Variants in PARD3B observed in about 807,000 individuals in gnomAD.
PARD3B encodes par-3 family cell polarity regulator beta.
PARD3B carries 103 observed loss-of-function variants against 130.2 expected under a neutral mutation model. The ratio of observed to expected loss-of-function variants is 0.79; its 90% confidence interval spans 0.67 to 0.93. The LOEUF (loss-of-function observed/expected upper bound fraction) is 0.93. PARD3B is among the 40% of genes least tolerant of loss of function. The pLI is 0.00. For missense variants in PARD3B, 1,609 were observed against 1,499.2 expected, an observed-to-expected ratio of 1.07 and a Z score of -1.21; for synonymous variants, 583 against 553.2, an observed-to-expected ratio of 1.05 and a Z score of -0.76.
In PARD3B at chr2:204,601,431, T is replaced by C. The variant is rs543931340; in HGVS notation, c.120+55312T>C. Among the ~76,000 whole-genome samples the C allele has an allele frequency of 7.9e-5, 12 of 152,122 alleles. No homozygotes were observed. In the South Asian group the frequency reaches 2.5e-3, roughly 31 times the overall value. ...GATTGCTATATTGTTTTTTAATATATAAAAAGCTTAATTGTGAAACCTTAT... is the reference window on the plus strand; with the variant it reads ...GATTGCTATATTGTTTTTTAATATACAAAAAGCTTAATTGTGAAACCTTAT... On this transcript the variant is annotated intron_variant, in intron 1 of 22. Coordinates refer to ENST00000406610, the MANE Select transcript of PARD3B (RefSeq NM_001302769.2).
intron 4 of PARD3B, among the ~76,000 whole-genome samples, chr2:205,063,793 T>C (rs539207328): frequency 7.2e-5 from 11 of 152,250 alleles, no homozygotes; most frequent in African/African-American, 2.6e-4. Flanking sequence ...GATAAGGGAA[T>C]AGAACATATA....
intron 2 of PARD3B, among the ~76,000 whole-genome samples, chr2:204,908,922 G>A (rs1290607303): frequency 6.6e-6 from 1 of 152,042 alleles, no homozygotes; most frequent in African/African-American, 2.4e-5. Flanking sequence ...ATAACAAATA[G>A]CTTTCATGAG....
At chr2:204,757,153 A>G in intron 2 of PARD3B, among the ~76,000 whole-genome samples, 1 of 152,128 alleles carries the variant, frequency 6.6e-6, no homozygotes, top group Middle Eastern at 3.2e-3. Context: ...TTCTTTATCC[A>G]GTCCACCGTT....
chr2:205,052,502 A>G (rs1402290820), intron 4 of PARD3B, among the ~76,000 whole-genome samples: 1 of 148,082 alleles, frequency 6.8e-6, no homozygotes, highest in Non-Finnish European at 1.5e-5. Context: ...TTAGAAGTTC[A>G]TGGATAGATT....
intron 2 of PARD3B, among the ~76,000 whole-genome samples, chr2:204,812,740 A>G (rs541529076): frequency 3.3e-5 from 5 of 152,040 alleles, no homozygotes; most frequent in African/African-American, 1.2e-4. Flanking sequence ...CACTTGCCCA[A>G]CTCCTGAAAT....
intron 1 of PARD3B, among the ~76,000 whole-genome samples, chr2:204,557,638 G>A (rs572844332): frequency 3.9e-5 from 6 of 152,000 alleles, no homozygotes; most frequent in South Asian, 2.1e-4. Context: ...TCAACATGGC[G>A]TTTGTAAGTT....
At chr2:204,899,366 A>G (rs1271659426) in intron 2 of PARD3B, among the ~76,000 whole-genome samples, 1 of 149,284 alleles carries the variant, frequency 6.7e-6, no homozygotes, top group East Asian at 2.0e-4. Flanking sequence ...CTTGCTTTAT[A>G]TTGTTCGTGA....
intron 3 of PARD3B, among the ~76,000 whole-genome samples, chr2:204,982,599 T>G (rs1692770550): frequency 6.6e-6 from 1 of 152,242 alleles, no homozygotes; most frequent in Non-Finnish European, 1.5e-5. Context: ...GACTCATGTT[T>G]CACACCAGTA....
At position 205,280,655 on chromosome 2, in the gene PARD3B, A is replaced by G. The variant is rs2041153246; in HGVS notation, c.2186-19875A>G. On this transcript the variant is annotated intron_variant, in intron 16 of 22. Transcript: ENST00000406610. The surrounding 1 kb of genome is among the most constrained non-coding windows in gnomAD (Gnocchi z 4.7). ...CTTATTTGTACATTTATAGTAAAGT[A>G]ATCTACAAGTGGTTCCTTGATAAAG... Among the ~76,000 whole-genome samples, 1 of 152,238 alleles carries G rather than the reference A, an allele frequency of 6.6e-6. No individual in the cohort carries two copies. Among genetic ancestry groups the G allele is most frequent in the South Asian group, 2.1e-4 (1 of 4,836 alleles).
At chr2:205,569,197 C>T (rs924775502) in intron 22 of PARD3B, among the ~76,000 whole-genome samples, 2 of 151,096 alleles carry the variant, frequency 1.3e-5, no homozygotes, top group Non-Finnish European at 2.9e-5. Flanking sequence ...TTTGTTGTAG[C>T]TTATCTGTTT....
intron 2 of PARD3B, among the ~76,000 whole-genome samples, chr2:204,837,934 G>T (rs2125581717): frequency 6.6e-6 from 1 of 152,168 alleles, no homozygotes; most frequent in East Asian, 1.9e-4. Context: ...CCCCAGTTTG[G>T]TTCATTCAGC....
chr2:204,970,303 CAGGATA>C (rs1284705148), intron 3 of PARD3B, among the ~76,000 whole-genome samples: 1 of 152,154 alleles, frequency 6.6e-6, no homozygotes, highest in East Asian at 1.9e-4. Flanking sequence ...GCTGTGTGAT[CAGGATA>C]AGTCATTTAA....
intron 15 of PARD3B, among the ~76,000 whole-genome samples, chr2:205,219,089 A>G (rs1279100481): frequency 1.3e-5 from 2 of 152,062 alleles, no homozygotes; most frequent in African/African-American, 4.8e-5. Context: ...AAAAAAAAAA[A>G]AAAATGCTGC....
At chr2:205,053,675 C>A (rs746284155) in intron 4 of PARD3B, among the ~76,000 whole-genome samples, 1 of 151,694 alleles carries the variant, frequency 6.6e-6, no homozygotes, top group Non-Finnish European at 1.5e-5. Flanking sequence ...ATATAACTTA[C>A]CAAACATTCT....
At chr2:204,899,234 T>C (rs867400630) in intron 2 of PARD3B, among the ~76,000 whole-genome samples, 2 of 98,748 alleles carry the variant, frequency 2.0e-5, no homozygotes, top group Non-Finnish European at 3.8e-5. Context: ...CCTCCTCTCC[T>C]TCCCTCCCTC....
chr2:204,562,792 TA>T (rs1180690650), intron 1 of PARD3B, among the ~76,000 whole-genome samples: 13 of 150,922 alleles, frequency 8.6e-5, no homozygotes, highest in African/African-American at 2.7e-4. Flanking sequence ...CCCAGAACCT[TA>T]AAAAAAAACT....
chr2:204,687,536 A>T (rs922091241), intron 2 of PARD3B, among the ~76,000 whole-genome samples: 3 of 152,166 alleles, frequency 2.0e-5, no homozygotes, highest in Non-Finnish European at 4.4e-5. Flanking sequence ...AAAAATACTT[A>T]CTGAATTAAT....
intron 21 of PARD3B, among the ~76,000 whole-genome samples, chr2:205,527,678 C>G (rs1051102344): frequency 6.6e-6 from 1 of 152,214 alleles, no homozygotes; most frequent in Non-Finnish European, 1.5e-5. Flanking sequence ...GGGTCTGTCT[C>G]AACCTCCCCT....
chr2:204,979,545 C>T (rs982778634), intron 3 of PARD3B, among the ~76,000 whole-genome samples: 6 of 152,090 alleles, frequency 3.9e-5, no homozygotes, highest in African/African-American at 1.4e-4. Flanking sequence ...CACTACTCAC[C>T]AGACAATATA....
Sources: allele counts gnomAD v4.1 joint callset (sites outside exome capture counted in the v4.1 genomes callset), GRCh38; gene constraint gnomAD v4.1.1; non-coding constraint Gnocchi (gnomAD v3.1); transcripts MANE v1.5; gene names NCBI Gene and HGNC (gene_info 2026-07-23, HGNC 2026-07-21).